ZNF326: variants seen among roughly 807,000 people sequenced by gnomAD.
The protein encoded by ZNF326 is DBIRD complex subunit ZNF326.
A neutral mutation model predicts 63.1 loss-of-function variants in ZNF326; 30 were observed. The observed-to-expected ratio is 0.48, with a 90% confidence interval of 0.36 to 0.64. The LOEUF (loss-of-function observed/expected upper bound fraction) is 0.64, where lower values mean the gene tolerates loss of function less well. Ranked by LOEUF, ZNF326 falls within the 30% of genes least tolerant of loss-of-function variation. The pLI is 0.00. For synonymous variants in ZNF326, 194 were observed against 228.2 expected (o/e 0.85, Z 1.35); for missense variants, 609 against 720.3 (o/e 0.85, Z 1.77).
intron 1 of ZNF326, among the ~76,000 whole-genome samples, chr1:89,997,427 G>A (rs1044880548): frequency 1.1e-4 from 17 of 151,952 alleles, no homozygotes; most frequent in African/African-American, 3.9e-4. Flanking sequence ...AGGCTGGAGT[G>A]CAGTGGTGCA....
intron 11 of ZNF326, among the ~76,000 whole-genome samples, chr1:90,023,805 C>G (rs1557530094): frequency 6.6e-6 from 1 of 152,166 alleles, no homozygotes; most frequent in Non-Finnish European, 1.5e-5. Flanking sequence ...AGAGATGTCA[C>G]TGGTGGGAGT....
In ZNF326 at chr1:90,027,998, A is replaced by T. The variant is rs563548668; in HGVS notation, c.*297A>T. ...AGGATAACAAATGTGTATTGTTAGT[A>T]TATCTATTCTAATCATTTTATCTTA... On this transcript the variant is annotated 3_prime_UTR_variant, in exon 12 of 12. Coordinates refer to ENST00000340281, the MANE Select transcript of ZNF326 (RefSeq NM_182976.4). 5.5e-4 allele frequency: 178 copies of T among 325,250 alleles called. 3 individuals carry two copies. The highest frequency in any genetic ancestry group is 5.0e-3 in the South Asian group (127 of 25,392). 20.1% of individuals were successfully genotyped at this position (325,250 alleles called of 1,614,324 possible). A position where few individuals can be genotyped will look rare whatever the true frequency, so the allele number is the denominator to read the frequency against.
intron 1 of ZNF326, 79 bp downstream of exon 1, chr1:89,995,352 A>G: frequency 6.7e-7 from 1 of 1,494,374 alleles, no homozygotes; most frequent in Non-Finnish European, 8.9e-7. Flanking sequence ...TACCGTCTCA[A>G]GATGGCCGTG....
At chr1:90,017,238 G>C in intron 7 of ZNF326, 79 bp from the exon 8 acceptor site, 1 of 994,978 alleles carries the variant, frequency 1.0e-6, no homozygotes, top group East Asian at 2.9e-5. Context: ...GGTAAAATTA[G>C]TTTCAATGTT....
In ZNF326 at chr1:90,035,007, A is replaced by G. The variant is rs943034494; in HGVS notation, c.*7306A>G. 6.6e-6 allele frequency: 1 copy of G among 152,214 alleles called. No individual in the cohort carries two copies. Among genetic ancestry groups the G allele is most frequent in the Non-Finnish European group, 1.5e-5 (1 of 68,026 alleles). The allele number at this position is 152,214 out of a possible 1,614,324, so 9.4% of individuals were successfully genotyped here. A position where few individuals can be genotyped will look rare whatever the true frequency, so the allele number is the denominator to read the frequency against. Reference sequence around the variant, plus strand: ...ACTTTAACTTAAAAAAAAATACCATAAGCTTGATAGATGCTCGAAAAACAT... The same window carrying G: ...ACTTTAACTTAAAAAAAAATACCATGAGCTTGATAGATGCTCGAAAAACAT... On this transcript the variant is annotated 3_prime_UTR_variant, in exon 12 of 12. Transcript: ENST00000340281.
rs1649731107 is a variant in ZNF326, at chr1:90,020,806, G to A, written c.1189G>A (p.Asp397Asn). Residue 397 changes from aspartate to asparagine, a missense_variant, in exon 10 of 12, where the codon GAT becomes AAT. Coordinates refer to ENST00000340281, the MANE Select transcript of ZNF326 (RefSeq NM_182976.4). Reference sequence around the variant, plus strand: ...GTCTTTTGTAGGTGTTACTGTAGATGATCACATGATGAAGGTAGAGACAGT... The same window carrying A: ...GTCTTTTGTAGGTGTTACTGTAGATAATCACATGATGAAGGTAGAGACAGT... ...KDVMEGVTVD[D>N]HMMKVETVHC... 6.2e-7 allele frequency: 1 copy of A among 1,610,856 alleles called. No individual in the cohort carries two copies. Among genetic ancestry groups the A allele is most frequent in the Non-Finnish European group, 8.5e-7 (1 of 1,178,490 alleles).
intron 11 of ZNF326, 49 bp from the exon 12 acceptor site, chr1:90,027,305 A>AT: frequency 6.4e-7 from 1 of 1,562,746 alleles, no homozygotes; most frequent in Non-Finnish European, 8.7e-7. Context: ...TTGCCAGATC[A>AT]TGTAATAATG....
chr1:90,026,171 G>C (rs1018992585), intron 11 of ZNF326, among the ~76,000 whole-genome samples: 2 of 151,998 alleles, frequency 1.3e-5, no homozygotes, highest in African/African-American at 4.8e-5. Flanking sequence ...CACCGTGTTA[G>C]CCAGGATGAT....
chr1:90,026,651 C>T (rs1650027709), intron 11 of ZNF326, among the ~76,000 whole-genome samples: 1 of 152,060 alleles, frequency 6.6e-6, no homozygotes, highest in African/African-American at 2.4e-5. Flanking sequence ...ACTAGTATTC[C>T]TTCTTTTGGT....
At chr1:90,008,213 G>T (rs1249263569) in intron 5 of ZNF326, among the ~76,000 whole-genome samples, 2 of 152,220 alleles carry the variant, frequency 1.3e-5, no homozygotes. Flanking sequence ...ATTAAACACA[G>T]GAGACTAAAA....
At chr1:90,011,181 GAA>G (rs1204789599) in intron 6 of ZNF326, among the ~76,000 whole-genome samples, 1 of 152,090 alleles carries the variant, frequency 6.6e-6, no homozygotes, top group African/African-American at 2.4e-5. Context: ...CAAAACTTGA[GAA>G]AAGTGTTGTG....
intron 6 of ZNF326, 125 bp downstream of exon 6, chr1:90,010,411 G>A (rs1649181638): frequency 7.0e-6 from 7 of 1,004,652 alleles, no homozygotes; most frequent in East Asian, 2.6e-5. Context: ...GTAGAAGTTA[G>A]ATCTGTAAAT....
At chr1:90,015,814 G>A (rs945907438) in intron 7 of ZNF326, among the ~76,000 whole-genome samples, 3 of 152,160 alleles carry the variant, frequency 2.0e-5, no homozygotes, top group Non-Finnish European at 4.4e-5. Context: ...GCCATGGCTT[G>A]CCATCAAAGC....
intron 2 of ZNF326, among the ~76,000 whole-genome samples, chr1:90,003,164 T>C (rs1648778137): frequency 6.7e-6 from 1 of 149,514 alleles, no homozygotes; most frequent in Admixed American, 6.7e-5. Context: ...CGGGTCTCAC[T>C]CTGTCGCCCA....
chr1:90,027,640 A>C lies in ZNF326; in HGVS notation c.1688A>C (p.Glu563Ala). Residue 563 changes from glutamate to alanine, a missense_variant, in exon 12 of 12, where the codon GAG becomes GCG. Transcript: ENST00000340281. ...VGEVEEVEELEEETAKEEPAD... is the reference protein window; with the variant it reads ...VGEVEEVEELAEETAKEEPAD... ...GAAGTAGAGGAAGTAGAGGAATTAG[A>C]GGAAGAGACAGCAAAGGAAGAACCT... 1 of 1,614,014 alleles carries C rather than the reference A, an allele frequency of 6.2e-7. No homozygotes were observed. Among genetic ancestry groups the C allele is most frequent in the East Asian group, 2.2e-5 (1 of 44,858 alleles).
At position 90,033,319 on chromosome 1, in the gene ZNF326, A is replaced by G. The variant is rs897950634; in HGVS notation, c.*5618A>G. The G allele has an allele frequency of 3.3e-5, 5 of 152,190 alleles. No individual in the cohort carries two copies. The highest frequency in any genetic ancestry group is 3.3e-4 in the Admixed American group (5 of 15,268). The allele number at this position is 152,190 out of a possible 1,614,324, so 9.4% of individuals were successfully genotyped here. On this transcript the variant is annotated 3_prime_UTR_variant, in exon 12 of 12. Coordinates refer to ENST00000340281, the MANE Select transcript of ZNF326 (RefSeq NM_182976.4). ...GCAAGTAGACAAATGAGAAACAGCAAATATTTAAGGAAAAGAGCAACATGA... is the reference window on the plus strand; with the variant it reads ...GCAAGTAGACAAATGAGAAACAGCAGATATTTAAGGAAAAGAGCAACATGA...
At chr1:90,004,327 T>G (rs766780282) in intron 2 of ZNF326, among the ~76,000 whole-genome samples, 4 of 152,244 alleles carry the variant, frequency 2.6e-5, no homozygotes, top group Admixed American at 6.5e-5. Context: ...TGAACAAGGC[T>G]AATTGGAAAT....
chr1:90,001,936 G>A (rs933525821), intron 2 of ZNF326, among the ~76,000 whole-genome samples: 2 of 152,076 alleles, frequency 1.3e-5, no homozygotes, highest in Non-Finnish European at 2.9e-5. Flanking sequence ...TAGCATTTTT[G>A]AGCGTATTAT....
rs371249300 is a variant in ZNF326, at chr1:90,010,120, C to T, written c.648C>T (p.Pro216=). ...HMGDFGSIHR[P]GIVVDYQNKS... ...GTGATTTTGGAAGCATTCATAGACC[C>T]GGAATTGTTGTTGACTATCAAAACA... Residue 216 remains proline (P), a synonymous_variant, in exon 6 of 12, where the codon CCC becomes CCT. Transcript: ENST00000340281. 51 of 1,613,716 alleles carry T rather than the reference C, an allele frequency of 3.2e-5. 1 individual carries two copies. Among genetic ancestry groups the T allele is most frequent in the Middle Eastern group, 3.3e-4 (2 of 6,058 alleles).
Sources: allele counts gnomAD v4.1 joint callset (sites outside exome capture counted in the v4.1 genomes callset), GRCh38; gene constraint gnomAD v4.1.1; transcripts MANE v1.5; gene names NCBI Gene and HGNC (gene_info 2026-07-23, HGNC 2026-07-21).